NUMB: variants seen among roughly 807,000 people sequenced by gnomAD.
NUMB encodes NUMB endocytic adaptor protein, also known as protein numb homolog.
A neutral mutation model predicts 59.7 loss-of-function variants in NUMB; 29 were observed. The observed-to-expected ratio is 0.49, with a 90% CI of 0.36 to 0.66. NUMB has a LOEUF of 0.66. Ranked by LOEUF, NUMB falls within the 30% of genes least tolerant of loss-of-function variation. The pLI, the probability that NUMB is intolerant of heterozygous loss-of-function variation, is 0.00. For synonymous variants in NUMB, 288 were observed against 288.2 expected (o/e 1.00, Z 0.01); for missense variants, 723 against 822.0 (o/e 0.88, Z 1.47).
intron 1 of NUMB, among the ~76,000 whole-genome samples, chr14:73,419,593 C>G (rs1897275150): frequency 6.6e-6 from 1 of 152,074 alleles, no homozygotes; most frequent in Non-Finnish European, 1.5e-5. Context: ...CCCCAGAAAA[C>G]TGAAGAATAA....
chr14:73,418,036 C>T (rs1421786629), intron 1 of NUMB, among the ~76,000 whole-genome samples: 5 of 151,600 alleles, frequency 3.3e-5, no homozygotes, highest in Admixed American at 6.6e-5. Flanking sequence ...ACCCAGGAGG[C>T]GGAGGTCACA....
intron 2 of NUMB, among the ~76,000 whole-genome samples, chr14:73,382,260 C>T (rs1421801250): frequency 1.3e-5 from 2 of 152,152 alleles, no homozygotes; most frequent in Non-Finnish European, 2.9e-5. Flanking sequence ...GATTCTCCTG[C>T]CTCAGCCTCC....
At chr14:73,405,284 T>C (rs1302767258) in intron 2 of NUMB, among the ~76,000 whole-genome samples, 2 of 152,070 alleles carry the variant, frequency 1.3e-5, no homozygotes, top group African/African-American at 4.8e-5. Context: ...TCCTCCAGCC[T>C]GAACTCAACA....
chr14:73,401,051 G>C (rs1331212590), intron 2 of NUMB, among the ~76,000 whole-genome samples: 1 of 152,186 alleles, frequency 6.6e-6, no homozygotes, highest in Non-Finnish European at 1.5e-5. Context: ...TGCAATTTAA[G>C]TAGGGGATTG....
chr14:73,327,794 CTA>C (rs1292092432), intron 4 of NUMB, among the ~76,000 whole-genome samples: 2 of 151,958 alleles, frequency 1.3e-5, no homozygotes, highest in Admixed American at 6.6e-5. Flanking sequence ...GTTTAGAGGT[CTA>C]TGAGATTTGA....
At chr14:73,301,452 T>C (rs1412631825) in intron 6 of NUMB, among the ~76,000 whole-genome samples, 1 of 152,214 alleles carries the variant, frequency 6.6e-6, no homozygotes, top group Non-Finnish European at 1.5e-5. Flanking sequence ...TGCTTGTTTG[T>C]TTGGAGACAG....
intron 2 of NUMB, among the ~76,000 whole-genome samples, chr14:73,407,444 CAAAACA>C (rs937280850): frequency 6.6e-6 from 1 of 151,966 alleles, no homozygotes; most frequent in African/African-American, 2.4e-5. Flanking sequence ...TGTCTCAAAA[CAAAACA>C]AAAACAAAAA....
chr14:73,426,001 T>C (rs1042164935), intron 1 of NUMB, among the ~76,000 whole-genome samples: 1 of 151,826 alleles, frequency 6.6e-6, no homozygotes, highest in Non-Finnish European at 1.5e-5. Flanking sequence ...GTAGATACAA[T>C]GTTTCAACAT....
intron 1 of NUMB, among the ~76,000 whole-genome samples, chr14:73,456,969 T>A (rs7145805): frequency 0.22 from 33,059 of 152,016 alleles, 3,901 homozygotes; most frequent in Non-Finnish European, 0.24. Context: ...CAGGTCTTTA[T>A]CGTCTATTGA....
intron 1 of NUMB, among the ~76,000 whole-genome samples, chr14:73,426,220 A>C (rs934769934): frequency 9.9e-5 from 15 of 152,224 alleles, no homozygotes; most frequent in Non-Finnish European, 1.9e-4. Flanking sequence ...ATATAAGTGT[A>C]TCAAATATAT....
chr14:73,409,425 C>T (rs1028246557), intron 2 of NUMB: 3 of 152,240 alleles, frequency 2.0e-5, no homozygotes, highest in Non-Finnish European at 4.4e-5. Context: ...GAGGTCCTAG[C>T]CAACAGCCAG....
At chr14:73,428,195 A>C (rs1385669415) in intron 1 of NUMB, among the ~76,000 whole-genome samples, 5 of 152,232 alleles carry the variant, frequency 3.3e-5, no homozygotes, top group African/African-American at 4.8e-5. Context: ...TGTTTTAATA[A>C]AATATGAGTC....
At chr14:73,369,043 TC>T (rs1449449216) in intron 2 of NUMB, among the ~76,000 whole-genome samples, 2 of 100,644 alleles carry the variant, frequency 2.0e-5, no homozygotes, top group Admixed American at 1.3e-4. Flanking sequence ...TAGAACATTT[TC>T]TTTTTTTTTT....
chr14:73,437,719 C>T (rs1021286421), intron 1 of NUMB, among the ~76,000 whole-genome samples: 3 of 152,160 alleles, frequency 2.0e-5, no homozygotes, highest in Non-Finnish European at 4.4e-5. Context: ...TCCAAGAACA[C>T]ATTTAAAAGC....
Position 73,395,977 on chromosome 14 carries a change from T to C in NUMB, c.-101+13960A>G, listed in dbSNP as rs527370599. ...CTATATATGGAAAATAAGTCTAAAT[T>C]GGAGTTGATATCAACTTCAGGTAGA... On this transcript the variant is annotated intron_variant, in intron 2 of 12. Transcript: ENST00000555238. 1.6e-4 allele frequency among the ~76,000 whole-genome samples: 25 copies of C among 152,356 alleles called. No individual in the cohort carries two copies. The South Asian group carries it at 5.2e-3, about 32-fold the overall frequency.
intron 2 of NUMB, among the ~76,000 whole-genome samples, chr14:73,385,704 G>T (rs975116525): frequency 4.0e-5 from 6 of 151,850 alleles, no homozygotes; most frequent in Non-Finnish European, 5.9e-5. Context: ...GTTTCGTCAT[G>T]TTGGCCAGGC....
intron 4 of NUMB, among the ~76,000 whole-genome samples, chr14:73,352,475 C>CAT (rs1893397883): frequency 7.3e-5 from 1 of 13,718 alleles, no homozygotes; most frequent in Non-Finnish European, 1.5e-4. Flanking sequence ...CACACACACA[C>CAT]ACATATATAT....
chr14:73,434,001 G>A (rs1223467830), intron 1 of NUMB, among the ~76,000 whole-genome samples: 1 of 152,154 alleles, frequency 6.6e-6, no homozygotes, highest in Non-Finnish European at 1.5e-5. Context: ...GCTGAGGCAG[G>A]AGAATCGCTT....
chr14:73,329,999 C>T (rs963463106), intron 4 of NUMB, among the ~76,000 whole-genome samples: 1 of 152,154 alleles, frequency 6.6e-6, no homozygotes, highest in African/African-American at 2.4e-5. Context: ...ATTTCTTTTA[C>T]TAATACCTCA....
Sources: gnomAD v4.1 joint callset for allele counts (sites outside exome capture counted in the v4.1 genomes callset) on GRCh38, gnomAD v4.1.1 for gene constraint, MANE v1.5 for transcripts, NCBI Gene and HGNC (gene_info 2026-07-23, HGNC 2026-07-21) for gene names.